Variants in LRRC4C observed in about 807,000 individuals in gnomAD.
LRRC4C encodes leucine-rich repeat-containing protein 4C.
In LRRC4C, 5 loss-of-function variants were observed where a neutral mutation model predicts 33.6. That is an observed-to-expected ratio of 0.15 (90% CI 0.08 to 0.31). LRRC4C has a LOEUF of 0.31. Ranked by LOEUF, LRRC4C falls within the 10% of genes least tolerant of loss-of-function variation. LRRC4C has a pLI of 1.00. For synonymous variants in LRRC4C, 329 were observed against 302.0 expected, an observed-to-expected ratio of 1.09 and a Z score of -0.93; for missense variants, 560 against 796.7, an observed-to-expected ratio of 0.70 and a Z score of 3.58.
intron 2 of LRRC4C, among the ~76,000 whole-genome samples, chr11:40,672,319 T>C (rs954079943): frequency 6.6e-6 from 1 of 152,172 alleles, no homozygotes; most frequent in Admixed American, 6.5e-5. Context: ...TCCATCCTTA[T>C]GATCTAATCA....
At chr11:40,261,022 T>C (rs1008804862) in intron 4 of LRRC4C, among the ~76,000 whole-genome samples, 3 of 152,130 alleles carry the variant, frequency 2.0e-5, no homozygotes, top group Admixed American at 1.3e-4. Flanking sequence ...CTAGGACTAC[T>C]GGCAAGCACC....
chr11:40,724,630 A>G (rs556909293), intron 2 of LRRC4C, among the ~76,000 whole-genome samples: 23 of 152,322 alleles, frequency 1.5e-4, no homozygotes, highest in African/African-American at 4.8e-4. Flanking sequence ...GAAAGTTTGT[A>G]ACACCAAATA....
chr11:40,272,710 T>C (rs1942800257), intron 4 of LRRC4C, among the ~76,000 whole-genome samples: 1 of 152,166 alleles, frequency 6.6e-6, no homozygotes, highest in Admixed American at 6.6e-5. Flanking sequence ...ATAATTTCAA[T>C]GAAACATCTT....
intron 2 of LRRC4C, among the ~76,000 whole-genome samples, chr11:40,774,137 G>T (rs1949879460): frequency 1.3e-5 from 2 of 151,882 alleles, no homozygotes; most frequent in Admixed American, 6.6e-5. Context: ...GTTTCACTTA[G>T]CATAATATCT....
At position 41,166,657 on chromosome 11, in the gene LRRC4C, C is replaced by T. The variant is rs948730866; in HGVS notation, c.-495-232934G>A. Among the ~76,000 whole-genome samples, 2 of 152,178 alleles carry T rather than the reference C, an allele frequency of 1.3e-5. 1 individual carries two copies. The highest frequency in any genetic ancestry group is 4.1e-4 in the South Asian group (2 of 4,828). On this transcript the variant is annotated intron_variant, in intron 1 of 6. Transcript: ENST00000528697. ...AAATCCTGAGGGCAGATATGACACA[C>T]ATGACTATAGTCTTGTGGGGCTAAA... is the stretch of plus-strand genomic sequence containing the variant.
intron 2 of LRRC4C, among the ~76,000 whole-genome samples, chr11:40,790,111 A>G (rs1243308191): frequency 3.3e-5 from 5 of 152,230 alleles, no homozygotes; most frequent in African/African-American, 7.2e-5. Context: ...GGTAGTTATC[A>G]TTGAAGATTT....
intron 3 of LRRC4C, among the ~76,000 whole-genome samples, chr11:40,568,213 A>T (rs1229638357): frequency 6.6e-6 from 1 of 152,210 alleles, no homozygotes; most frequent in Non-Finnish European, 1.5e-5. Context: ...TGGGGGAAGC[A>T]AAGTGCCATG....
chr11:40,408,498 C>G (rs1237306086), intron 3 of LRRC4C, among the ~76,000 whole-genome samples: 1 of 151,792 alleles, frequency 6.6e-6, no homozygotes, highest in East Asian at 1.9e-4. Flanking sequence ...GGTGGGGGAC[C>G]TCTCTAGTGA....
intron 1 of LRRC4C, among the ~76,000 whole-genome samples, chr11:41,306,107 T>A (rs919015946): frequency 6.6e-6 from 1 of 151,874 alleles, no homozygotes; most frequent in Non-Finnish European, 1.5e-5. Context: ...CCTCATTAAA[T>A]TTTTCACCTC....
intron 2 of LRRC4C, among the ~76,000 whole-genome samples, chr11:40,841,382 T>C (rs982083886): frequency 1.1e-4 from 17 of 152,178 alleles, no homozygotes; most frequent in Non-Finnish European, 2.5e-4. Flanking sequence ...CCAATTCATA[T>C]GTTGAAGCCC....
At chr11:40,516,167 G>T (rs1046729357) in intron 3 of LRRC4C, among the ~76,000 whole-genome samples, 1 of 151,834 alleles carries the variant, frequency 6.6e-6, no homozygotes, top group East Asian at 1.9e-4. Context: ...ATAATATTAA[G>T]TGCTGTTAAC....
intron 2 of LRRC4C, among the ~76,000 whole-genome samples, chr11:40,697,240 G>A (rs948285596): frequency 2.6e-5 from 4 of 151,992 alleles, no homozygotes; most frequent in Non-Finnish European, 5.9e-5. Context: ...GCACTGAGAT[G>A]AGTAAAACAT....
intron 3 of LRRC4C, among the ~76,000 whole-genome samples, chr11:40,564,701 A>G (rs11035926): frequency 0.24 from 36,411 of 152,090 alleles, 4,930 homozygotes; most frequent in East Asian, 0.57. Flanking sequence ...ACATTCTTCC[A>G]GATTAGAGGG....
At chr11:41,033,291 T>G (rs574646243) in intron 1 of LRRC4C, among the ~76,000 whole-genome samples, 1 of 152,218 alleles carries the variant, frequency 6.6e-6, no homozygotes, top group Non-Finnish European at 1.5e-5. Context: ...GAAATGGTTA[T>G]TAACTAGAGT....
chr11:41,084,034 T>C (rs1472930725), intron 1 of LRRC4C, among the ~76,000 whole-genome samples: 1 of 152,224 alleles, frequency 6.6e-6, no homozygotes, highest in Non-Finnish European at 1.5e-5. Context: ...AATTGATAGG[T>C]AAATAACATT....
chr11:40,926,628 T>G (rs975804856), intron 2 of LRRC4C, among the ~76,000 whole-genome samples: 1 of 152,192 alleles, frequency 6.6e-6, no homozygotes, highest in Non-Finnish European at 1.5e-5. Flanking sequence ...ATGATAGGCA[T>G]ATTCATCCAC....
chr11:41,326,887 C>A (rs1202423975), intron 1 of LRRC4C, among the ~76,000 whole-genome samples: 1 of 152,334 alleles, frequency 6.6e-6, no homozygotes, highest in South Asian at 2.1e-4. Context: ...TTAGAAGAAG[C>A]CTGGTAGGCA....
chr11:40,736,364 T>A (rs1485922261), intron 2 of LRRC4C, among the ~76,000 whole-genome samples: 1 of 152,178 alleles, frequency 6.6e-6, no homozygotes, highest in East Asian at 1.9e-4. Flanking sequence ...TATGGCTGCA[T>A]AGTATTCCAT....
chr11:40,134,042 G>A (rs1357652832), intron 6 of LRRC4C, among the ~76,000 whole-genome samples: 2 of 152,110 alleles, frequency 1.3e-5, no homozygotes, highest in Non-Finnish European at 2.9e-5. Flanking sequence ...TCTTTAGAAT[G>A]AGGTATTATA....
Sources: gnomAD v4.1 joint callset for allele counts (sites outside exome capture counted in the v4.1 genomes callset) on GRCh38, gnomAD v4.1.1 for gene constraint, MANE v1.5 for transcripts, NCBI Gene and HGNC (gene_info 2026-07-23, HGNC 2026-07-21) for gene names.